Variants in ARHGAP42 observed in about 807,000 individuals in gnomAD.
ARHGAP42 encodes Rho GTPase activating protein 42.
A neutral mutation model predicts 125.0 loss-of-function variants in ARHGAP42; 63 were observed. The ratio of observed to expected loss-of-function variants is 0.50; its 90% CI spans 0.41 to 0.62. The LOEUF is 0.62. Ranked by LOEUF, ARHGAP42 falls within the 20% of genes least tolerant of loss-of-function variation. The probability of loss-of-function intolerance (pLI) is 0.00; values close to 1 mark genes in which losing one functional copy is unlikely to be tolerated. For synonymous variants in ARHGAP42, 339 were observed against 351.0 expected (o/e 0.97, Z 0.38); for missense variants, 766 against 1,024.2 (o/e 0.75, Z 3.44).
chr11:100,693,690 A>C (rs1173018151), intron 1 of ARHGAP42, among the ~76,000 whole-genome samples: 3 of 152,160 alleles, frequency 2.0e-5, no homozygotes, highest in Admixed American at 1.3e-4. Flanking sequence ...TGTCTAGTGG[A>C]GACTGGCTTA....
intron 4 of ARHGAP42, among the ~76,000 whole-genome samples, chr11:100,913,187 A>C (rs528226014): frequency 1.3e-5 from 2 of 152,026 alleles, no homozygotes; most frequent in Admixed American, 6.6e-5. Flanking sequence ...AGTTCCATTT[A>C]CTCCAAAGGA....
chr11:100,712,456 T>C (rs1194115811), intron 1 of ARHGAP42, among the ~76,000 whole-genome samples: 2 of 152,164 alleles, frequency 1.3e-5, no homozygotes, highest in Non-Finnish European at 2.9e-5. Context: ...TAGTAAAATA[T>C]AGCAGAAAGA....
At chr11:100,712,416 T>C (rs1304791214) in intron 1 of ARHGAP42, among the ~76,000 whole-genome samples, 1 of 152,208 alleles carries the variant, frequency 6.6e-6, no homozygotes, top group Non-Finnish European at 1.5e-5. Context: ...CTACTGTTAT[T>C]ATATGAAAAA....
At chr11:100,944,500 G>C (rs1049011694) in intron 10 of ARHGAP42, among the ~76,000 whole-genome samples, 1 of 151,944 alleles carries the variant, frequency 6.6e-6, no homozygotes, top group Non-Finnish European at 1.5e-5. Context: ...CTAGCTTATT[G>C]TGTGTATCCA....
chr11:100,952,994 T>G (rs1359497104), intron 12 of ARHGAP42, among the ~76,000 whole-genome samples: 1 of 152,070 alleles, frequency 6.6e-6, no homozygotes, highest in Non-Finnish European at 1.5e-5. Flanking sequence ...TGTGTTTCAG[T>G]GATTGTGAAA....
intron 1 of ARHGAP42, among the ~76,000 whole-genome samples, chr11:100,710,521 A>C (rs1591120710): frequency 7.1e-6 from 1 of 140,388 alleles, no homozygotes; most frequent in Admixed American, 7.4e-5. Context: ...GGCATGAGCC[A>C]CTGCGCCCGG....
intron 1 of ARHGAP42, among the ~76,000 whole-genome samples, chr11:100,747,713 T>G (rs937318526): frequency 1.3e-5 from 2 of 152,226 alleles, no homozygotes; most frequent in Admixed American, 1.3e-4. Flanking sequence ...TTACCAAAAG[T>G]GTATTTTACT....
At chr11:100,973,360 G>C in intron 18 of ARHGAP42, 26 bp downstream of exon 18, 1 of 1,546,756 alleles carries the variant, frequency 6.5e-7, no homozygotes, top group Non-Finnish European at 8.7e-7. Flanking sequence ...ATGTGGAAGT[G>C]TCAAGTTTTA....
chr11:100,831,777 T>G (rs953174947), intron 3 of ARHGAP42, among the ~76,000 whole-genome samples: 2 of 152,230 alleles, frequency 1.3e-5, no homozygotes, highest in African/African-American at 4.8e-5. Context: ...ATAAATGGTT[T>G]AAATATACCA....
chr11:100,751,120 G>A (rs1437591312), intron 1 of ARHGAP42, among the ~76,000 whole-genome samples: 3 of 151,662 alleles, frequency 2.0e-5, no homozygotes, highest in Admixed American at 6.6e-5. Context: ...TGTATTTTTA[G>A]TAGAGATGGG....
At chr11:100,973,417 G>A (rs2135316783) in intron 18 of ARHGAP42, 83 bp downstream of exon 18, 1 of 1,389,808 alleles carries the variant, frequency 7.2e-7, no homozygotes, top group Non-Finnish European at 9.8e-7. Flanking sequence ...GTGAGCTCAT[G>A]AGTTTTGTAT....
rs1296145687 is a variant in ARHGAP42, at chr11:100,978,902, G to T, written c.2394-85G>T. The T allele has an allele frequency of 1.4e-5, 20 of 1,386,786 alleles. No homozygotes were observed. The Admixed American group carries it at 1.4e-4, about 10-fold the overall frequency. The allele number at this position is 1,386,786 out of a possible 1,614,324, so 85.9% of individuals were successfully genotyped here. On this transcript the variant is annotated intron_variant, in intron 21 of 23. Coordinates refer to ENST00000298815, the MANE Select transcript of ARHGAP42 (RefSeq NM_152432.4). ...ATGGTTCTCAACCATTTTTTGTCTT[G>T]TTTAACTGGCAATCATGAATTTCAC...
chr11:100,772,385 C>G (rs965064676), intron 2 of ARHGAP42, among the ~76,000 whole-genome samples: 5 of 152,166 alleles, frequency 3.3e-5, no homozygotes, highest in African/African-American at 1.2e-4. Flanking sequence ...CGCAGTCTTT[C>G]TGAGCAGATA....
intron 4 of ARHGAP42, among the ~76,000 whole-genome samples, chr11:100,871,184 A>C (rs2135158626): frequency 6.6e-6 from 1 of 152,310 alleles, no homozygotes; most frequent in East Asian, 1.9e-4. Context: ...TCAGTGAGGC[A>C]AACATTTAGA....
chr11:100,841,893 C>A (rs1056287985), intron 3 of ARHGAP42, among the ~76,000 whole-genome samples: 2 of 152,126 alleles, frequency 1.3e-5, no homozygotes, highest in African/African-American at 4.8e-5. Context: ...GTTTTGTTTT[C>A]TTTGTGGCTC....
intron 1 of ARHGAP42, among the ~76,000 whole-genome samples, chr11:100,695,105 T>C (rs1861253089): frequency 6.6e-6 from 1 of 152,238 alleles, no homozygotes; most frequent in Non-Finnish European, 1.5e-5. Context: ...CTCCATCTTT[T>C]ACAGCTGCCA....
At chr11:100,806,907 G>GCACC (rs1325834957) in intron 3 of ARHGAP42, among the ~76,000 whole-genome samples, 1 of 151,648 alleles carries the variant, frequency 6.6e-6, no homozygotes, top group Non-Finnish European at 1.5e-5. Context: ...GAGTGCGTTG[G>GCACC]CACCGTCTTG....
intron 4 of ARHGAP42, among the ~76,000 whole-genome samples, chr11:100,910,613 CAA>C (rs956308216): frequency 6.2e-5 from 9 of 145,612 alleles, no homozygotes; most frequent in Admixed American, 5.7e-4. Flanking sequence ...ACACAAGAGA[CAA>C]GAGGTAGCTA....
chr11:100,950,250 A>G (rs1386093833), intron 12 of ARHGAP42, among the ~76,000 whole-genome samples: 1 of 144,446 alleles, frequency 6.9e-6, no homozygotes, highest in East Asian at 2.1e-4. Flanking sequence ...TATAAAATAT[A>G]TAATATATAA....
Sources: gnomAD v4.1 joint callset for allele counts (sites outside exome capture counted in the v4.1 genomes callset) on GRCh38, gnomAD v4.1.1 for gene constraint, MANE v1.5 for transcripts, NCBI Gene and HGNC (gene_info 2026-07-23, HGNC 2026-07-21) for gene names.